Variants in POLDIP3 observed in about 807,000 individuals in gnomAD.
POLDIP3 encodes polymerase delta-interacting protein 3.
Under a neutral mutation model 45.1 loss-of-function variants are expected in POLDIP3, and 14 were observed. That is an observed-to-expected ratio of 0.31 (90% CI 0.20 to 0.49). The LOEUF (loss-of-function observed/expected upper bound fraction) is 0.49. POLDIP3 is among the 20% of genes least tolerant of loss of function. The probability of loss-of-function intolerance (pLI) is 0.99; values close to 1 mark genes in which losing one functional copy is unlikely to be tolerated. For missense variants in POLDIP3, 511 were observed against 538.8 expected (o/e 0.95, Z 0.51); for synonymous variants, 223 against 205.2 (o/e 1.09, Z -0.74).
At chr22:42,595,940 C>T (rs1008760318) in intron 5 of POLDIP3, among the ~76,000 whole-genome samples, 34 of 152,196 alleles carry the variant, frequency 2.2e-4, no homozygotes, top group African/African-American at 7.7e-4. Flanking sequence ...GTCCTCAGCC[C>T]TCCTAATAGC....
chr22:42,598,550 CTTT>C (rs1569300013), intron 4 of POLDIP3, among the ~76,000 whole-genome samples: 1 of 151,982 alleles, frequency 6.6e-6, no homozygotes, highest in African/African-American at 2.4e-5. Flanking sequence ...CACGCCCGAA[CTTT>C]TTTGTATTTT....
chr22:42,586,555 T>C (rs1925327172), intron 8 of POLDIP3, among the ~76,000 whole-genome samples: 1 of 152,188 alleles, frequency 6.6e-6, no homozygotes. Flanking sequence ...TCCATTAGCA[T>C]ATTACACAAT....
chr22:42,610,678 G>C (rs1838581513), intron 1 of POLDIP3, among the ~76,000 whole-genome samples: 1 of 152,198 alleles, frequency 6.6e-6, no homozygotes, highest in Admixed American at 6.5e-5. Context: ...AGAGGCAGGA[G>C]GACTGCTTGA....
At chr22:42,606,052 G>A (rs1475175415) in intron 1 of POLDIP3, among the ~76,000 whole-genome samples, 2 of 152,172 alleles carry the variant, frequency 1.3e-5, no homozygotes, top group Non-Finnish European at 2.9e-5. Flanking sequence ...TGAGGCAGGA[G>A]AATCAGTTGA....
In POLDIP3 at chr22:42,602,753, C is replaced by CA. The variant is rs370478514; in HGVS notation, c.450+16dup. 9.2e-4 allele frequency: 1,441 copies of CA among 1,571,366 alleles called. 18 individuals are homozygous for CA. The African/African-American group carries it at 0.017, about 19-fold the overall frequency. On this transcript the variant is annotated intron_variant, in intron 2 of 8. Coordinates refer to ENST00000252115, the MANE Select transcript of POLDIP3 (RefSeq NM_032311.5). The stretch of plus-strand genomic sequence containing the variant: ...TTACTAGCTTTCTGGGAATTCATGA[C>CA]AAAAGCCACAACTCACCTGGATGGT...
intron 1 of POLDIP3, 47 bp from the exon 2 acceptor site, chr22:42,603,207 C>T (rs1170418847): frequency 4.4e-6 from 7 of 1,583,234 alleles, no homozygotes; most frequent in Non-Finnish European, 6.0e-6. Context: ...TGGGTATCTA[C>T]AGCAGTCTAT....
rs1259484067 is a variant in POLDIP3, at chr22:42,585,536, C to T, written c.*255G>A. On this transcript the variant is annotated 3_prime_UTR_variant, in exon 9 of 9. Coordinates refer to ENST00000252115, the MANE Select transcript of POLDIP3 (RefSeq NM_032311.5). ...TGGGGCTGAGGCTCGGGGAGGCACACACTGAAAAACACAAGCCTACCTTGG... is the reference window on the plus strand; with the variant it reads ...TGGGGCTGAGGCTCGGGGAGGCACATACTGAAAAACACAAGCCTACCTTGG... 4 of 484,188 alleles carry T rather than the reference C, an allele frequency of 8.3e-6. No individual in the cohort carries two copies. The East Asian group carries it at 1.1e-4, about 14-fold the overall frequency. The allele number at this position is 484,188 out of a possible 1,614,324, so 30.0% of individuals were successfully genotyped here. A position where few individuals can be genotyped will look rare whatever the true frequency, so the allele number is the denominator to read the frequency against.
Position 42,585,000 on chromosome 22 carries a change from G to A in POLDIP3, c.*791C>T, listed in dbSNP as rs1485477151. ...AGGGTGTGGTTAAGTGCCAGGCGAG[G>A]TGAGAACCGGGAGGGCTCACAACAC... is the stretch of plus-strand genomic sequence containing the variant. On this transcript the variant is annotated 3_prime_UTR_variant, in exon 9 of 9. Transcript: ENST00000252115. The A allele has an allele frequency of 6.6e-6, 3 of 456,356 alleles. No homozygotes were observed. The highest frequency in any genetic ancestry group is 4.6e-5 in the South Asian group (3 of 64,572). The allele number at this position is 456,356 out of a possible 1,614,324, so 28.3% of individuals were successfully genotyped here.
intron 4 of POLDIP3, among the ~76,000 whole-genome samples, chr22:42,599,282 C>T (rs1241500582): frequency 1.3e-5 from 2 of 152,170 alleles, no homozygotes; most frequent in Non-Finnish European, 2.9e-5. Context: ...ATCTTACGGC[C>T]CAAACAAAGA....
intron 7 of POLDIP3, among the ~76,000 whole-genome samples, chr22:42,590,741 G>A (rs1285506144): frequency 1.3e-5 from 2 of 152,168 alleles, no homozygotes; most frequent in Admixed American, 1.3e-4. Flanking sequence ...CTACAACTCA[G>A]TATTTAAAAA....
At chr22:42,604,286 G>A (rs1457603996) in intron 1 of POLDIP3, among the ~76,000 whole-genome samples, 1 of 152,098 alleles carries the variant, frequency 6.6e-6, no homozygotes, top group Non-Finnish European at 1.5e-5. Flanking sequence ...CCCTGGGTGG[G>A]GCGGGGGGAG....
intron 7 of POLDIP3, among the ~76,000 whole-genome samples, chr22:42,588,163 A>C (rs975813669): frequency 2.0e-5 from 3 of 152,230 alleles, no homozygotes; most frequent in African/African-American, 7.2e-5. Context: ...AGGAACAAAA[A>C]AGTAAAATGG....
intron 1 of POLDIP3, among the ~76,000 whole-genome samples, chr22:42,609,406 T>C (rs1011553578): frequency 1.3e-5 from 2 of 152,134 alleles, no homozygotes; most frequent in African/African-American, 4.8e-5. Flanking sequence ...AGGCAAACGT[T>C]CCCTGGACCC....
In POLDIP3 at chr22:42,585,653, T is replaced by G; in HGVS notation, c.*138A>C. 1.0e-6 allele frequency: 1 copy of G among 994,716 alleles called. No homozygotes were observed. The highest frequency in any genetic ancestry group is 1.5e-6 in the Non-Finnish European group (1 of 661,848). 61.6% of individuals were successfully genotyped at this position (994,716 alleles called of 1,614,324 possible). ...ACACAGAAAGGCGGGTCCCATCCAG[T>G]GAGGAAGCTCTTTATCCCTGGCAAC... On this transcript the variant is annotated 3_prime_UTR_variant, in exon 9 of 9. Coordinates refer to ENST00000252115, the MANE Select transcript of POLDIP3 (RefSeq NM_032311.5).
rs535821044 is a variant in POLDIP3 at position 42,605,391 on chromosome 22, G to A, written c.60-2231C>T. 4.6e-5 allele frequency among the ~76,000 whole-genome samples: 7 copies of A among 152,324 alleles called. No homozygotes were observed. The South Asian group carries it at 6.2e-4, about 14-fold the overall frequency. ...ATCCGCCTGCCTTGGCCTCCAAAGC[G>A]TTACGATTACAGGCGTGAGCCACTG... On this transcript the variant is annotated intron_variant, in intron 1 of 8. Coordinates refer to ENST00000252115, the MANE Select transcript of POLDIP3 (RefSeq NM_032311.5).
chr22:42,599,408 A>C (rs1439808895), intron 4 of POLDIP3, among the ~76,000 whole-genome samples: 1 of 152,244 alleles, frequency 6.6e-6, no homozygotes, highest in African/African-American at 2.4e-5. Context: ...GTTTGAGACC[A>C]GCCTGGCCAA....
At chr22:42,608,496 A>G (rs931965678) in intron 1 of POLDIP3, among the ~76,000 whole-genome samples, 7 of 152,132 alleles carry the variant, frequency 4.6e-5, no homozygotes, top group Non-Finnish European at 1.0e-4. Context: ...CCTTATCATT[A>G]TTGTCTGGTA....
chr22:42,592,056 T>C lies in POLDIP3; in HGVS notation c.920A>G (p.Lys307Arg), dbSNP rs752013057. The C allele has an allele frequency of 9.9e-6, 16 of 1,614,192 alleles. No individual in the cohort carries two copies. The highest frequency in any genetic ancestry group is 2.2e-5 in the East Asian group (1 of 44,882). ...VELFCVCGALKRARLVHPGVA... is the reference protein window; with the variant it reads ...VELFCVCGALRRARLVHPGVA... ...CCCAGGATGGACCAGTCGAGCTCGC[T>C]TGAGGGCCCCACACACACAGAAAAG... is the stretch of plus-strand genomic sequence containing the variant. The change falls in exon 7 of 9, where the codon AAG becomes AGG. Residue 307 changes from lysine (K) to arginine (R), a missense_variant. Physicochemically the swap from Lys to Arg is conservative, Grantham distance 26. Transcript: ENST00000252115.
intron 1 of POLDIP3, among the ~76,000 whole-genome samples, chr22:42,610,000 C>T (rs1927023182): frequency 6.6e-6 from 1 of 152,086 alleles, no homozygotes; most frequent in African/African-American, 2.4e-5. Flanking sequence ...TGGTGAAACC[C>T]TGTCTCTACT....
Sources: gnomAD v4.1 joint callset for allele counts (sites outside exome capture counted in the v4.1 genomes callset) on GRCh38, gnomAD v4.1.1 for gene constraint, MANE v1.5 for transcripts, NCBI Gene and HGNC (gene_info 2026-07-23, HGNC 2026-07-21) for gene names.